The following TCTN2 variants were observed in gnomAD, a reference collection of about 807,000 sequenced individuals.
TCTN2 encodes the protein tectonic-2.
In TCTN2, 66 loss-of-function variants were observed where a neutral mutation model predicts 83.4. The ratio of observed to expected loss-of-function variants is 0.79; its 90% CI spans 0.65 to 0.97. TCTN2 has a LOEUF of 0.97. Ranked by LOEUF, TCTN2 falls within the 50% of genes least tolerant of loss-of-function variation. The pLI, the probability that TCTN2 is intolerant of heterozygous loss-of-function variation, is 0.00. For synonymous variants in TCTN2, 301 were observed against 326.7 expected (o/e 0.92, Z 0.85); for missense variants, 794 against 858.1 (o/e 0.93, Z 0.93).
At chr12:123,687,250 A>T (rs1203724559) in intron 6 of TCTN2, among the ~76,000 whole-genome samples, 1 of 152,242 alleles carries the variant, frequency 6.6e-6, no homozygotes, top group African/African-American at 2.4e-5. Flanking sequence ...TGACATTGAA[A>T]ACAGCTCATG....
chr12:123,671,283 C>T lies in TCTN2; in HGVS notation c.43C>T (p.Leu15Phe). 6.2e-7 allele frequency: 1 copy of T among 1,613,866 alleles called. No individual in the cohort carries two copies. The highest frequency in any genetic ancestry group is 8.5e-7 in the Non-Finnish European group (1 of 1,179,980). Residue 15 changes from leucine (L) to phenylalanine (F), a missense_variant, in exon 1 of 18, where the codon CTT (leucine) becomes TTT (phenylalanine). Physicochemically the swap from Leu to Phe is conservative, Grantham distance 22. Coordinates refer to ENST00000303372, the MANE Select transcript of TCTN2 (RefSeq NM_024809.5). ...PPAALLLRLF[L>F]LQGILRLLWG... is the part of the protein sequence containing the mutation. ...GGCCGCTCTTCTTTTGAGGCTTTTC[C>T]TTCTGCAGGGCATCCTGAGGCTTCT...
intron 17 of TCTN2, among the ~76,000 whole-genome samples, chr12:123,707,392 C>G (rs1444243721): frequency 6.6e-6 from 1 of 152,006 alleles, no homozygotes; most frequent in Non-Finnish European, 1.5e-5. Context: ...GATTACAGCA[C>G]CAATATGCCT....
Position 123,687,829 on chromosome 12 carries a change from G to C in TCTN2, c.765-222G>C, listed in dbSNP as rs567842273. On this transcript the variant is annotated intron_variant, in intron 6 of 17. Coordinates refer to ENST00000303372, the MANE Select transcript of TCTN2 (RefSeq NM_024809.5). ...ATACAAAAAATTAGCCAGGTGTGGT[G>C]GTGGGCACCTGTAATCCCAGCTTAC... is the stretch of plus-strand genomic sequence containing the variant. Among the ~76,000 whole-genome samples the C allele has an allele frequency of 3.9e-5, 6 of 152,094 alleles. No homozygotes were observed. The East Asian group carries it at 1.2e-3, about 29-fold the overall frequency.
At position 123,707,890 on chromosome 12, in the gene TCTN2, A is replaced by C; in HGVS notation, c.*177A>C. The C allele has an allele frequency of 1.7e-6, 1 of 601,866 alleles. No homozygotes were observed. Among genetic ancestry groups the C allele is most frequent in the Non-Finnish European group, 3.0e-6 (1 of 332,822 alleles). 37.3% of individuals were successfully genotyped at this position (601,866 alleles called of 1,614,324 possible). A position where few individuals can be genotyped will look rare whatever the true frequency, so the allele number is the denominator to read the frequency against. Reference sequence around the variant, plus strand: ...CACGCCCGGCTAATTTTGTATTTTTAGTAGAGACAGGGTTCCACCGTATTG... The same window carrying C: ...CACGCCCGGCTAATTTTGTATTTTTCGTAGAGACAGGGTTCCACCGTATTG... On this transcript the variant is annotated 3_prime_UTR_variant, in exon 18 of 18. Coordinates refer to ENST00000303372, the MANE Select transcript of TCTN2 (RefSeq NM_024809.5).
chr12:123,681,072 C>A (rs565268290), intron 5 of TCTN2, among the ~76,000 whole-genome samples: 2 of 151,852 alleles, frequency 1.3e-5, no homozygotes, highest in African/African-American at 2.4e-5. Context: ...AGTTGGATAC[C>A]AGCCTGGGCA....
chr12:123,680,031 G>T (rs1005869142), intron 5 of TCTN2, among the ~76,000 whole-genome samples: 1 of 151,756 alleles, frequency 6.6e-6, no homozygotes, highest in Non-Finnish European at 1.5e-5. Context: ...GAGCCACCGC[G>T]CCCAGCCCAA....
chr12:123,694,776 C>T (rs1162402785), intron 9 of TCTN2, 66 bp from the exon 10 acceptor site: 15 of 1,577,184 alleles, frequency 9.5e-6, no homozygotes, highest in Non-Finnish European at 1.2e-5. Context: ...GCAGAGAGAA[C>T]CTCCCAGTAA....
Position 123,673,664 on chromosome 12 carries a change from C to G in TCTN2, c.317C>G (p.Ser106Cys), listed in dbSNP as rs771740049. The G allele has an allele frequency of 1.9e-6, 3 of 1,614,048 alleles. No individual in the cohort carries two copies. The highest frequency in any genetic ancestry group is 3.3e-5 in the Admixed American group (2 of 59,988). The change falls in exon 4 of 18, where the codon TCC (serine) becomes TGC (cysteine). Residue 106 changes from serine to cysteine, a missense_variant. Ser to Cys is a moderately radical substitution (Grantham distance 112). Coordinates refer to ENST00000303372, the MANE Select transcript of TCTN2 (RefSeq NM_024809.5). ...VRWKRGLDWC[S>C]SNETDSFSES... ...TGGAAGAGAGGTCTGGACTGGTGTT[C>G]CTCCAATGAGACAGATTCCTTCTCA... is the stretch of plus-strand genomic sequence containing the variant.
At chr12:123,693,745 C>T (rs955073308) in intron 9 of TCTN2, among the ~76,000 whole-genome samples, 4 of 151,716 alleles carry the variant, frequency 2.6e-5, no homozygotes, top group Admixed American at 6.6e-5. Context: ...TGAGCCACGG[C>T]GACTGGCTCA....
rs376095561 is a variant in TCTN2, at chr12:123,706,805, G to A, written c.1849G>A (p.Val617Ile). Residue 617 changes from valine (V) to isoleucine (I), a missense_variant, in exon 16 of 18, where the codon GTC becomes ATC. Transcript: ENST00000303372. ...KADLLPISAS[V>I]QFIKIPAQLP... ...CGACCTTCTCCCTATCAGTGCATCC[G>A]TCCAGTTTATTAAAATTCCTGCACA... The A allele has an allele frequency of 2.7e-5, 43 of 1,613,940 alleles. 1 individual carries two copies. Among genetic ancestry groups the A allele is most frequent in the South Asian group, 1.6e-4 (15 of 91,078 alleles).
rs117064911 is a variant in TCTN2 at position 123,677,031 on chromosome 12, A to G, written c.464-2158A>G. On this transcript the variant is annotated intron_variant, in intron 4 of 17. Transcript: ENST00000303372. ...TGTCTTTACAGAAAATATGAACGTT[A>G]CCTGAGCATGATGGTGCACACCTGT... Among the ~76,000 whole-genome samples the G allele has an allele frequency of 2.8e-4, 42 of 152,062 alleles. No homozygotes were observed. The East Asian group carries it at 7.5e-3, about 27-fold the overall frequency.
intron 9 of TCTN2, among the ~76,000 whole-genome samples, chr12:123,694,051 T>G (rs1956078797): frequency 6.6e-6 from 1 of 151,790 alleles, no homozygotes; most frequent in Non-Finnish European, 1.5e-5. Flanking sequence ...TGGAGTGTAG[T>G]GACACAGTCT....
chr12:123,682,179 C>T (rs1429997998), intron 5 of TCTN2, among the ~76,000 whole-genome samples: 1 of 152,170 alleles, frequency 6.6e-6, no homozygotes, highest in Non-Finnish European at 1.5e-5. Flanking sequence ...GCTGTGTTGC[C>T]TAGGCTGGTC....
At chr12:123,676,529 C>G (rs549428628) in intron 4 of TCTN2, among the ~76,000 whole-genome samples, 1 of 129,826 alleles carries the variant, frequency 7.7e-6, no homozygotes, top group African/African-American at 3.0e-5. Context: ...GGTCACACCA[C>G]TGCACTCCAG....
chr12:123,680,580 G>A (rs1269480204), intron 5 of TCTN2, among the ~76,000 whole-genome samples: 4 of 147,872 alleles, frequency 2.7e-5, no homozygotes, highest in African/African-American at 1.0e-4. Flanking sequence ...GCAGTGACAC[G>A]ATCTCGGGTC....
chr12:123,692,767 A>G (rs1956058977), intron 9 of TCTN2, 44 bp downstream of exon 9: 1 of 1,461,712 alleles, frequency 6.8e-7, no homozygotes, highest in South Asian at 1.1e-5. Context: ...AGAAACAGAT[A>G]TGTCATTTCT....
intron 13 of TCTN2, among the ~76,000 whole-genome samples, chr12:123,697,860 CTTT>C (rs536696616): frequency 1.3e-4 from 18 of 136,502 alleles, no homozygotes; most frequent in Middle Eastern, 4.0e-3. Flanking sequence ...GGGTGATTAA[CTTT>C]TTTTTTTTTT....
At chr12:123,672,176 C>T in intron 3 of TCTN2, 44 bp downstream of exon 3, 5 of 1,535,552 alleles carry the variant, frequency 3.3e-6, no homozygotes, top group Non-Finnish European at 4.5e-6. Flanking sequence ...TGAAGAGGCC[C>T]CCAGCTAGGG....
At chr12:123,691,354 G>T (rs1241356276) in intron 8 of TCTN2, among the ~76,000 whole-genome samples, 1 of 152,092 alleles carries the variant, frequency 6.6e-6, no homozygotes. Flanking sequence ...TTCTGTCTCC[G>T]TGGATTGCTT....
Sources: gnomAD v4.1 joint callset for allele counts (sites outside exome capture counted in the v4.1 genomes callset) on GRCh38, gnomAD v4.1.1 for gene constraint, MANE v1.5 for transcripts, NCBI Gene and HGNC (gene_info 2026-07-23, HGNC 2026-07-21) for gene names.